Variants in GALNT13 observed in about 807,000 individuals in gnomAD.
GALNT13 encodes the protein polypeptide N-acetylgalactosaminyltransferase 13.
A neutral mutation model predicts 64.2 loss-of-function variants in GALNT13; 28 were observed. The ratio of observed to expected loss-of-function variants is 0.44; its 90% CI spans 0.32 to 0.60. The LOEUF is 0.60. Among genes scored for constraint, GALNT13 ranks in the 20% least tolerant of loss-of-function variants. The pLI is 0.05. For synonymous variants in GALNT13, 214 were observed against 224.6 expected (o/e 0.95, Z 0.42); for missense variants, 577 against 669.8 (o/e 0.86, Z 1.53).
the GALNT13 span, among the ~76,000 whole-genome samples, chr2:153,095,588 A>G: frequency 7.9e-5 from 12 of 152,306 alleles, no homozygotes; most frequent in Admixed American, 2.0e-4. Flanking sequence ...ACATGCACAC[A>G]TATGTTTATT....
In GALNT13 at chr2:154,000,062, G is replaced by A. The variant is rs1488565628; in HGVS notation, c.142+55423G>A. Among the ~76,000 whole-genome samples the A allele has an allele frequency of 2.0e-5, 3 of 151,994 alleles. No individual in the cohort carries two copies. The East Asian group carries it at 5.8e-4, about 29-fold the overall frequency. ...TGATCTTGGTAGCAGTTAGGCAAGA[G>A]AAAGGTTGTATTTGTCCAGGAATTT... On this transcript the variant is annotated intron_variant, in intron 3 of 12. Transcript: ENST00000392825.
the GALNT13 span, among the ~76,000 whole-genome samples, chr2:153,508,550 G>T: frequency 6.6e-6 from 1 of 152,102 alleles, no homozygotes; most frequent in Admixed American, 6.5e-5. Context: ...CAGTCCTAAA[G>T]GCTGGTCTCA....
At chr2:154,249,423 G>A (rs1689954415) in intron 7 of GALNT13, among the ~76,000 whole-genome samples, 1 of 152,148 alleles carries the variant, frequency 6.6e-6, no homozygotes, top group Non-Finnish European at 1.5e-5. Flanking sequence ...TACTAAAGTG[G>A]TGTGGACCTC....
the GALNT13 span, among the ~76,000 whole-genome samples, chr2:153,549,285 G>A: frequency 3.9e-5 from 6 of 152,148 alleles, no homozygotes; most frequent in South Asian, 2.1e-4. Context: ...CAATGCTTCC[G>A]TAGCTTTCAA....
the GALNT13 span, among the ~76,000 whole-genome samples, chr2:153,834,216 C>T: frequency 6.6e-6 from 1 of 151,960 alleles, no homozygotes; most frequent in Non-Finnish European, 1.5e-5. Context: ...CTAGGGAAGC[C>T]CTACCACAGG....
chr2:154,163,451 A>C (rs935710953), intron 4 of GALNT13, among the ~76,000 whole-genome samples: 5 of 152,110 alleles, frequency 3.3e-5, no homozygotes, highest in Non-Finnish European at 5.9e-5. Flanking sequence ...CTACCATCAG[A>C]GAATACTATA....
the GALNT13 span, among the ~76,000 whole-genome samples, chr2:153,422,761 G>T: frequency 8.6e-5 from 13 of 151,434 alleles, no homozygotes; most frequent in African/African-American, 3.2e-4. Flanking sequence ...ATAGATTCAA[G>T]AATAAATAAA....
At chr2:154,148,753 G>A (rs773961650) in intron 4 of GALNT13, among the ~76,000 whole-genome samples, 3 of 152,128 alleles carry the variant, frequency 2.0e-5, no homozygotes, top group African/African-American at 7.2e-5. Context: ...CATGTCCTTC[G>A]CCCAGTTTTT....
chr2:153,669,559 T>C, the GALNT13 span, among the ~76,000 whole-genome samples: 1 of 152,200 alleles, frequency 6.6e-6, no homozygotes. Context: ...TAGCAGTTGC[T>C]TCCAAGATGG....
the GALNT13 span, among the ~76,000 whole-genome samples, chr2:153,830,173 T>C: frequency 2.1e-5 from 3 of 142,972 alleles, no homozygotes; most frequent in Non-Finnish European, 4.8e-5. Context: ...TTGAAAAGTT[T>C]CCAAGTTTGT....
the GALNT13 span, among the ~76,000 whole-genome samples, chr2:153,264,927 A>G: frequency 1.3e-5 from 2 of 152,250 alleles, no homozygotes; most frequent in Non-Finnish European, 2.9e-5. Context: ...CATTCTGCAC[A>G]TATACCCCAG....
the GALNT13 span, among the ~76,000 whole-genome samples, chr2:153,553,493 C>T: frequency 6.6e-5 from 10 of 152,270 alleles, no homozygotes; most frequent in African/African-American, 1.2e-4. Flanking sequence ...CAGAGTGAGA[C>T]GCTGTCTCAA....
At chr2:153,718,014 T>C in the GALNT13 span, among the ~76,000 whole-genome samples, 4 of 152,168 alleles carry the variant, frequency 2.6e-5, no homozygotes, top group Non-Finnish European at 4.4e-5. Flanking sequence ...TCCTTTGGTG[T>C]TGCTCTGGAA....
At chr2:153,345,187 G>A in the GALNT13 span, among the ~76,000 whole-genome samples, 2 of 152,072 alleles carry the variant, frequency 1.3e-5, no homozygotes, top group African/African-American at 4.8e-5. Flanking sequence ...TTTTTTATGA[G>A]CTTCATGTAT....
intron 10 of GALNT13, among the ~76,000 whole-genome samples, chr2:154,398,264 C>A (rs1699146303): frequency 6.6e-6 from 1 of 152,080 alleles, no homozygotes; most frequent in Admixed American, 6.6e-5. Flanking sequence ...GAGGAATGAC[C>A]AAGGGCTATA....
intron 3 of GALNT13, among the ~76,000 whole-genome samples, chr2:154,014,061 T>A (rs1371839951): frequency 3.9e-5 from 6 of 152,130 alleles, no homozygotes; most frequent in Non-Finnish European, 7.4e-5. Context: ...GAGAGGCTGC[T>A]CAGATAGAAA....
At chr2:153,588,354 G>A in the GALNT13 span, among the ~76,000 whole-genome samples, 9 of 152,170 alleles carry the variant, frequency 5.9e-5, no homozygotes, top group Non-Finnish European at 1.2e-4. Flanking sequence ...TGAGGGCACC[G>A]CCCCTGCAGC....
At chr2:153,240,361 A>G in the GALNT13 span, among the ~76,000 whole-genome samples, 1 of 151,998 alleles carries the variant, frequency 6.6e-6, no homozygotes, top group African/African-American at 2.4e-5. Context: ...TCCCTGTCTT[A>G]ATAAGTTGGC....
intron 9 of GALNT13, among the ~76,000 whole-genome samples, chr2:154,347,562 G>C (rs1252899240): frequency 1.3e-5 from 2 of 152,104 alleles, no homozygotes; most frequent in East Asian, 3.9e-4. Context: ...TTTCTCAACT[G>C]TCTTTGCTCA....
Sources: gnomAD v4.1 joint callset for allele counts (sites outside exome capture counted in the v4.1 genomes callset) on GRCh38, gnomAD v4.1.1 for gene constraint, MANE v1.5 for transcripts, NCBI Gene and HGNC (gene_info 2026-07-23, HGNC 2026-07-21) for gene names.